The following GSS variants were observed in gnomAD, a reference collection of about 807,000 sequenced individuals.
The protein encoded by GSS is glutathione synthetase.
In GSS, 34 loss-of-function variants were observed where a neutral mutation model predicts 60.4. The ratio of observed to expected loss-of-function variants is 0.56; its 90% CI spans 0.43 to 0.75. The LOEUF is 0.75. GSS is among the 30% of genes least tolerant of loss of function. The pLI, the probability that GSS is intolerant of heterozygous loss-of-function variation, is 0.00. For missense variants in GSS, 499 were observed against 595.1 expected, an observed-to-expected ratio of 0.84 and a Z score of 1.68; for synonymous variants, 224 against 239.0, an observed-to-expected ratio of 0.94 and a Z score of 0.58.
At position 34,928,628 on chromosome 20, in the gene GSS, A is replaced by G. The variant is rs2081370613; in HGVS notation, c.*200T>C. 3.1e-6 allele frequency: 2 copies of G among 652,402 alleles called. No homozygotes were observed. The highest frequency in any genetic ancestry group is 5.5e-6 in the Non-Finnish European group (2 of 362,580). The allele number at this position is 652,402 out of a possible 1,614,324, so 40.4% of individuals were successfully genotyped here. A position where few individuals can be genotyped will look rare whatever the true frequency, so the allele number is the denominator to read the frequency against. ...GCAGCTTACCCTGAGCTATACCCACATCTCAAGGATTTGGGGGCGTCTAGA... is the reference window on the plus strand; with the variant it reads ...GCAGCTTACCCTGAGCTATACCCACGTCTCAAGGATTTGGGGGCGTCTAGA... On this transcript the variant is annotated 3_prime_UTR_variant, in exon 13 of 13. Coordinates refer to ENST00000651619, the MANE Select transcript of GSS (RefSeq NM_000178.4).
intron 2 of GSS, among the ~76,000 whole-genome samples, chr20:34,950,964 A>C (rs2081564325): frequency 6.6e-6 from 1 of 152,164 alleles, no homozygotes; most frequent in Non-Finnish European, 1.5e-5. Flanking sequence ...TGAGGTTTTA[A>C]AAAGGTGTGG....
At chr20:34,941,598 T>G in intron 6 of GSS, 115 bp downstream of exon 6, 1 of 748,802 alleles carries the variant, frequency 1.3e-6, no homozygotes, top group African/African-American at 1.7e-5. Context: ...TATAAGTTTC[T>G]ATTCCTAGAA....
intron 8 of GSS, 111 bp downstream of exon 8, chr20:34,936,652 G>A (rs2081442736): frequency 7.9e-6 from 7 of 888,884 alleles, no homozygotes; most frequent in Non-Finnish European, 1.3e-5. Flanking sequence ...GGAATTATGA[G>A]AGAAGGAAGC....
At chr20:34,931,444 A>C in intron 10 of GSS, 27 bp from the exon 11 acceptor site, 2 of 1,593,568 alleles carry the variant, frequency 1.3e-6, no homozygotes, top group Non-Finnish European at 1.7e-6. Context: ...AGCAGTTATC[A>C]AAAGTTTAAA....
intron 1 of GSS, chr20:34,952,343 C>A (rs1387780842): frequency 5.3e-6 from 1 of 188,396 alleles, no homozygotes; most frequent in Non-Finnish European, 1.1e-5. Flanking sequence ...CCTGGCTGAA[C>A]ATTCTGGGGA....
At position 34,931,380 on chromosome 20, in the gene GSS, G is replaced by A; in HGVS notation, c.1067C>T (p.Ala356Val). ...EGDQAIAEAL[A>V]APSRFVLKPQ... is the part of the protein sequence containing the mutation. ...CTTTAGCACAAACCGGCTAGGGGCA[G>A]CAAGGGCCTCGGCGATGGCCTGGTC... The change falls in exon 11 of 13, where the codon GCT (alanine) becomes GTT (valine). Residue 356 changes from alanine to valine, a missense_variant. Ala to Val is a moderately conservative substitution (Grantham distance 64). Transcript: ENST00000651619. The A allele has an allele frequency of 6.2e-7, 1 of 1,614,238 alleles. No individual in the cohort carries two copies. The highest frequency in any genetic ancestry group is 1.1e-5 in the South Asian group (1 of 91,090).
chr20:34,930,102 C>T (rs1279457824), intron 11 of GSS, among the ~76,000 whole-genome samples: 1 of 152,000 alleles, frequency 6.6e-6, no homozygotes, highest in Non-Finnish European at 1.5e-5. Context: ...CCCATCTCTA[C>T]TAAAAATACA....
intron 9 of GSS, 70 bp from the exon 10 acceptor site, chr20:34,932,203 C>T: frequency 8.8e-7 from 1 of 1,141,236 alleles, no homozygotes; most frequent in East Asian, 2.3e-5. Context: ...GAACATCCAT[C>T]CATTAGGTGC....
At chr20:34,954,552 CAA>C (rs764125581) in intron 1 of GSS, 167 of 96,492 alleles carry the variant, frequency 1.7e-3, no homozygotes, top group Middle Eastern at 5.6e-3. Context: ...AAAGCTCTGT[CAA>C]AAAAAAAAAA....
chr20:34,947,399 A>AT (rs112849620), intron 2 of GSS, among the ~76,000 whole-genome samples: 3,683 of 152,144 alleles, frequency 0.024, 123 homozygotes, highest in African/African-American at 0.075. Context: ...AAATATTATT[A>AT]TTTTTTTAAC....
Position 34,945,877 on chromosome 20 carries a change from C to T in GSS, c.275+76G>A. ...CCCACCAAGTCAGCTGACACAGTAACACCTCACGGCTCTGCAATCTTCCAG... is the reference window on the plus strand; with the variant it reads ...CCCACCAAGTCAGCTGACACAGTAATACCTCACGGCTCTGCAATCTTCCAG... On this transcript the variant is annotated intron_variant, in intron 3 of 12. Coordinates refer to ENST00000651619, the MANE Select transcript of GSS (RefSeq NM_000178.4). The T allele has an allele frequency of 2.0e-6, 3 of 1,486,260 alleles. No homozygotes were observed. The South Asian group carries it at 3.4e-5, about 17-fold the overall frequency. 92.1% of individuals were successfully genotyped at this position (1,486,260 alleles called of 1,614,324 possible). A position where few individuals can be genotyped will look rare whatever the true frequency, so the allele number is the denominator to read the frequency against.
At chr20:34,949,896 C>A (rs1233836127) in intron 2 of GSS, 1 of 152,052 alleles carries the variant, frequency 6.6e-6, no homozygotes, top group Non-Finnish European at 1.5e-5. Context: ...AGACCAGGAG[C>A]CCCAGAGGCT....
chr20:34,943,741 T>C (rs1350644395), intron 3 of GSS, among the ~76,000 whole-genome samples: 1 of 152,206 alleles, frequency 6.6e-6, no homozygotes, highest in South Asian at 2.1e-4. Context: ...ACATTTTCTT[T>C]GTGTGATGAT....
intron 6 of GSS, among the ~76,000 whole-genome samples, chr20:34,938,577 G>GGT (rs755671198): frequency 6.6e-6 from 1 of 152,082 alleles, no homozygotes; most frequent in Non-Finnish European, 1.5e-5. Flanking sequence ...CATGGGTGAG[G>GGT]GTGTGTGTGG....
chr20:34,955,137 CCGGGCTTCT>C, intron 1 of GSS: 1 of 152,216 alleles, frequency 6.6e-6, no homozygotes, highest in Non-Finnish European at 1.5e-5. Flanking sequence ...GTTCTCCGCC[CCGGGCTTCT>C]ACATTCTACA....
chr20:34,932,867 C>T (rs1456332434), intron 9 of GSS, among the ~76,000 whole-genome samples: 2 of 151,504 alleles, frequency 1.3e-5, no homozygotes, highest in Non-Finnish European at 2.9e-5. Flanking sequence ...TCTTTTGAGA[C>T]GTGGGTCTTG....
rs549377370 is a variant in GSS, at chr20:34,942,531, C to T, written c.448G>A (p.Ala150Thr). The change falls in exon 5 of 13, where the codon GCC becomes ACC. Residue 150 changes from alanine to threonine, a missense_variant. Physicochemically the swap from Ala to Thr is moderately conservative, Grantham distance 58. Transcript: ENST00000651619. ...CGGGAGGCCAGGCCCCCAAAGCTGG[C>T]AGAGATGGTGTTGATTTCGATCTGT... is the stretch of plus-strand genomic sequence containing the variant. ...LKQIEINTIS[A>T]SFGGLASRTP... is the part of the protein sequence containing the mutation. 128 of 1,614,070 alleles carry T rather than the reference C, an allele frequency of 7.9e-5. 1 individual carries two copies. In the South Asian group the frequency reaches 1.4e-3, roughly 17 times the overall value.
rs778495518 is a variant in GSS at position 34,946,110 on chromosome 20, A to G, written c.130-12T>C. ...GCATAGCTCACCACCTGTGATCAAG[A>G]AGAGAGAATGGGACAGGGGTAGGGC... On this transcript the variant is annotated splice_polypyrimidine_tract_variant and intron_variant, in intron 2 of 12. Transcript: ENST00000651619. 1.9e-6 allele frequency: 3 copies of G among 1,605,518 alleles called. No individual in the cohort carries two copies. Among genetic ancestry groups the G allele is most frequent in the Non-Finnish European group, 2.6e-6 (3 of 1,173,256 alleles).
At chr20:34,954,645 C>T (rs2081604889) in intron 1 of GSS, 1 of 153,532 alleles carries the variant, frequency 6.5e-6, no homozygotes, top group South Asian at 2.1e-4. Context: ...ACAGCCTCAA[C>T]CCTCCCTTGG....
Sources: allele counts gnomAD v4.1 joint callset (sites outside exome capture counted in the v4.1 genomes callset), GRCh38; gene constraint gnomAD v4.1.1; transcripts MANE v1.5; gene names NCBI Gene and HGNC (gene_info 2026-07-23, HGNC 2026-07-21).